Variants in RAB37 observed in about 807,000 individuals in gnomAD.
The protein encoded by RAB37 is RAB37, member RAS oncogene family.
RAB37 carries 29 observed loss-of-function variants against 33.1 expected under a neutral mutation model. That is an observed-to-expected ratio of 0.88 (90% CI 0.65 to 1.20). The LOEUF is 1.20. Among genes scored for constraint, RAB37 ranks in the 50% most tolerant of loss-of-function variants. The probability of loss-of-function intolerance (pLI) is 0.00; values close to 1 mark genes in which losing one functional copy is unlikely to be tolerated. For missense variants in RAB37, 299 were observed against 301.1 expected (o/e 0.99, Z 0.05); for synonymous variants, 128 against 119.5 (o/e 1.07, Z -0.47).
intron 1 of RAB37, among the ~76,000 whole-genome samples, chr17:74,673,328 G>C (rs986584517): frequency 1.3e-5 from 2 of 151,514 alleles, no homozygotes; most frequent in Non-Finnish European, 2.9e-5. Flanking sequence ...GCTTGAGCCT[G>C]GGAGGCAGAG....
chr17:74,707,672 G>A (rs1335211239), intron 1 of RAB37, among the ~76,000 whole-genome samples: 2 of 150,220 alleles, frequency 1.3e-5, no homozygotes, highest in Non-Finnish European at 3.0e-5. Context: ...CCAAGATCGT[G>A]CCACTGCATT....
intron 1 of RAB37, 144 bp downstream of exon 1, chr17:74,737,509 G>C: frequency 1.0e-6 from 1 of 1,001,404 alleles, no homozygotes; most frequent in Non-Finnish European, 1.4e-6. Context: ...CAGCCTCTGG[G>C]GCCGTCCCAA....
rs534266195 is a variant in RAB37, at chr17:74,742,617, T to C, written c.246+322T>C. Among the ~76,000 whole-genome samples the C allele has an allele frequency of 5.9e-5, 9 of 152,006 alleles. No individual in the cohort carries two copies. The highest frequency in any genetic ancestry group is 1.9e-4 in the African/African-American group (8 of 41,438). On this transcript the variant is annotated intron_variant, in intron 3 of 8. Transcript: ENST00000392613. The surrounding 1 kb of genome is among the most constrained non-coding windows in gnomAD (Gnocchi z 4.0). ...CTAGGGGAGAGGAGAAGATTCTTTT[T>C]TTTTCTTTTCTTTTCTTTTTTTTTT...
chr17:74,698,347 A>T (rs561283233), intron 1 of RAB37: 1 of 1,552,376 alleles, frequency 6.4e-7, no homozygotes, highest in South Asian at 1.1e-5. Flanking sequence ...GTCTCAGCCC[A>T]GCCTCACCCA....
chr17:74,719,100 A>G (rs2034205899), intron 1 of RAB37, among the ~76,000 whole-genome samples: 1 of 152,224 alleles, frequency 6.6e-6, no homozygotes, highest in African/African-American at 2.4e-5. Flanking sequence ...AAAAAGAGAG[A>G]CATGGCCGAA....
intron 1 of RAB37, chr17:74,703,101 G>A (rs2033211293): frequency 3.1e-6 from 5 of 1,614,006 alleles, no homozygotes; most frequent in Non-Finnish European, 4.2e-6. Flanking sequence ...GACTGGTGCT[G>A]TAAACGTAGT....
intron 2 of RAB37, among the ~76,000 whole-genome samples, chr17:74,731,076 G>A (rs73361352): frequency 0.092 from 14,059 of 152,220 alleles, 2,139 homozygotes; most frequent in African/African-American, 0.32. Context: ...CGCTGAGTGA[G>A]GACCTGAGCC....
chr17:74,698,361 C>A lies in RAB37; in HGVS notation c.72+26703C>A, dbSNP rs530153186. 3 of 1,599,828 alleles carry A rather than the reference C, an allele frequency of 1.9e-6. No homozygotes were observed. The African/African-American group carries it at 4.0e-5, about 21-fold the overall frequency. Reference sequence around the variant, plus strand: ...AGTCTCAGCCCAGCCTCACCCAGGTCCTCTCACCTTTCTGCTGGTACTTCA... The same window carrying A: ...AGTCTCAGCCCAGCCTCACCCAGGTACTCTCACCTTTCTGCTGGTACTTCA... On this transcript the variant is annotated intron_variant, in intron 1 of 7. Transcript: ENST00000340415.
intron 1 of RAB37, among the ~76,000 whole-genome samples, chr17:74,687,306 C>A (rs1242486455): frequency 6.6e-6 from 1 of 152,114 alleles, no homozygotes; most frequent in East Asian, 1.9e-4. Context: ...TCACTGCAAC[C>A]TCCATCTCCC....
Position 74,743,415 on chromosome 17 carries a change from G to A in RAB37, c.366+75G>A, listed in dbSNP as rs1402054021. 32 of 1,487,318 alleles carry A rather than the reference G, an allele frequency of 2.2e-5. No homozygotes were observed. In the South Asian group the frequency reaches 3.4e-4, roughly 16 times the overall value. The allele number at this position is 1,487,318 out of a possible 1,614,324, so 92.1% of individuals were successfully genotyped here. A position where few individuals can be genotyped will look rare whatever the true frequency, so the allele number is the denominator to read the frequency against. On this transcript the variant is annotated intron_variant, in intron 5 of 8. Transcript: ENST00000392613. The stretch of plus-strand genomic sequence containing the variant: ...TCTATGCAGGCTGGGGTTGCTTCCT[G>A]CCCTGTGGAAAGCGGGTGGAGCGTG...
intron 1 of RAB37, among the ~76,000 whole-genome samples, chr17:74,709,985 G>T (rs1007080534): frequency 5.3e-5 from 8 of 151,840 alleles, no homozygotes; most frequent in African/African-American, 1.9e-4. Flanking sequence ...TTTTTTGTTT[G>T]TTTGTTTTTT....
At chr17:74,706,842 T>A (rs1252346309) in intron 1 of RAB37, among the ~76,000 whole-genome samples, 1 of 152,018 alleles carries the variant, frequency 6.6e-6, no homozygotes, top group Non-Finnish European at 1.5e-5. Flanking sequence ...CCAGCCCGGG[T>A]CCTGGGGAAA....
At chr17:74,677,981 T>G (rs2031876778) in intron 1 of RAB37, among the ~76,000 whole-genome samples, 1 of 152,150 alleles carries the variant, frequency 6.6e-6, no homozygotes, top group South Asian at 2.1e-4. Flanking sequence ...GGGAGGGACG[T>G]CCTTCAGTTT....
At chr17:74,718,360 A>ATATCATATCT (rs908767476) in intron 1 of RAB37, among the ~76,000 whole-genome samples, 143 of 137,008 alleles carry the variant, frequency 1.0e-3, no homozygotes, top group African/African-American at 3.3e-3. Context: ...ATATCATATC[A>ATATCATATCT]TATCCACCCA....
Position 74,703,367 on chromosome 17 carries a change from G to C in RAB37, c.73-25889G>C, listed in dbSNP as rs548030685. Among the ~76,000 whole-genome samples, 11 of 152,238 alleles carry C rather than the reference G, an allele frequency of 7.2e-5. 1 individual carries two copies. In the South Asian group the frequency reaches 2.3e-3, roughly 32 times the overall value. ...CCAGGGAGGACGCTGAGCTGGCCCT[G>C]GGAGGGTTAGAGGGGGCTGGGAAGA... On this transcript the variant is annotated intron_variant, in intron 1 of 7. Coordinates refer to the RAB37 transcript ENST00000340415.
intron 1 of RAB37, among the ~76,000 whole-genome samples, chr17:74,687,277 G>T (rs1449309085): frequency 6.6e-6 from 1 of 151,736 alleles, no homozygotes; most frequent in African/African-American, 2.4e-5. Context: ...AGGCTGGAGT[G>T]CAATGGCACG....
At chr17:74,736,238 C>G (rs985130065), upstream of RAB37, among the ~76,000 whole-genome samples, 7 of 151,962 alleles carry the variant, frequency 4.6e-5, no homozygotes, top group Admixed American at 2.6e-4. Context: ...GCAGGTACCC[C>G]TCTCCAGCTC....
At chr17:74,721,119 T>C (rs1030060371) in intron 1 of RAB37, among the ~76,000 whole-genome samples, 2 of 152,168 alleles carry the variant, frequency 1.3e-5, no homozygotes, top group African/African-American at 2.4e-5. Context: ...GGTACAGGGC[T>C]GGGGACATGG....
rs1316262884 is a variant in RAB37, at chr17:74,738,037, C to T, written c.93+672C>T. Among the ~76,000 whole-genome samples, 1 of 152,144 alleles carries T rather than the reference C, an allele frequency of 6.6e-6. No individual in the cohort carries two copies. The highest frequency in any genetic ancestry group is 2.4e-5 in the African/African-American group (1 of 41,430). On this transcript the variant is annotated intron_variant, in intron 1 of 8. Coordinates refer to ENST00000392613, the MANE Select transcript of RAB37 (RefSeq NM_001006638.3). This position sits in a 1 kb window ranked among gnomAD's most constrained non-coding sequence, Gnocchi z 5.0. ...CCAGGGCTGCTCTCTGGGGCTTGCT[C>T]CCTCTACAGGGGTGTCCTGTATGGA... is the stretch of plus-strand genomic sequence containing the variant.
Sources: gnomAD v4.1 joint callset for allele counts (sites outside exome capture counted in the v4.1 genomes callset) on GRCh38, gnomAD v4.1.1 for gene constraint, Gnocchi (gnomAD v3.1) non-coding constraint, MANE v1.5 for transcripts, NCBI Gene and HGNC (gene_info 2026-07-23, HGNC 2026-07-21) for gene names.